DGKB: variants seen among roughly 807,000 people sequenced by gnomAD.
DGKB encodes diacylglycerol kinase beta, also known as 90 kDa diacylglycerol kinase.
DGKB carries 67 observed loss-of-function variants against 114.3 expected under a neutral mutation model. The observed-to-expected ratio is 0.59, with a 90% confidence interval of 0.48 to 0.72. The LOEUF (loss-of-function observed/expected upper bound fraction) is 0.72. DGKB is among the 30% of genes least tolerant of loss of function. The pLI is 0.00. For synonymous variants in DGKB, 398 were observed against 323.1 expected, an observed-to-expected ratio of 1.23 and a Z score of -2.49; for missense variants, 907 against 975.2, an observed-to-expected ratio of 0.93 and a Z score of 0.93.
At chr7:14,484,019 T>A (rs1487108076) in intron 20 of DGKB, among the ~76,000 whole-genome samples, 7 of 151,380 alleles carry the variant, frequency 4.6e-5, no homozygotes, top group Non-Finnish European at 5.9e-5. Context: ...TTATACTTCA[T>A]CTGTTCATGT....
chr7:14,200,157 A>G (rs1333626648), intron 23 of DGKB, among the ~76,000 whole-genome samples: 3 of 152,074 alleles, frequency 2.0e-5, no homozygotes, highest in Non-Finnish European at 4.4e-5. Flanking sequence ...TTGTTTAGTA[A>G]CAATTCTCCT....
chr7:14,629,205 G>A (rs1809212148), intron 14 of DGKB, among the ~76,000 whole-genome samples: 1 of 151,998 alleles, frequency 6.6e-6, no homozygotes, highest in South Asian at 2.1e-4. Context: ...TTTGTCACTT[G>A]AGTGTGTAAT....
At chr7:14,320,716 C>T (rs1807612753) in intron 23 of DGKB, among the ~76,000 whole-genome samples, 1 of 152,010 alleles carries the variant, frequency 6.6e-6, no homozygotes, top group Non-Finnish European at 1.5e-5. Context: ...TGGTCTGCAT[C>T]TGACACAAAG....
intron 20 of DGKB, among the ~76,000 whole-genome samples, chr7:14,544,347 G>C (rs547056383): frequency 6.6e-6 from 1 of 152,272 alleles, no homozygotes; most frequent in Non-Finnish European, 1.5e-5. Flanking sequence ...ATTCTTAGTA[G>C]AAAAGTAGTG....
intron 13 of DGKB, among the ~76,000 whole-genome samples, chr7:14,667,118 C>T (rs562537373): frequency 6.6e-6 from 1 of 152,090 alleles, no homozygotes; most frequent in East Asian, 1.9e-4. Context: ...AGATGCTTAC[C>T]TTGCTAATCT....
rs546859444 is a variant in DGKB at position 14,662,129 on chromosome 7, G to A, written c.1134+10800C>T. ...TAGATGACGAGTTAGTGGGTGCAGC[G>A]CACCAGCATGGCACATGTATACATA... On this transcript the variant is annotated intron_variant, in intron 13 of 25. Transcript: ENST00000402815. Among the ~76,000 whole-genome samples the A allele has an allele frequency of 2.9e-3, 444 of 151,812 alleles. 2 individuals are homozygous for A. The highest frequency in any genetic ancestry group is 9.5e-3 in the African/African-American group (395 of 41,412).
At chr7:14,862,300 T>C (rs114048046) in intron 1 of DGKB, among the ~76,000 whole-genome samples, 1 of 152,100 alleles carries the variant, frequency 6.6e-6, no homozygotes, top group Non-Finnish European at 1.5e-5. Context: ...TGTATGTGTA[T>C]GTACATGATA....
intron 8 of DGKB, among the ~76,000 whole-genome samples, chr7:14,696,289 C>A (rs1435905163): frequency 6.6e-6 from 1 of 151,186 alleles, no homozygotes. Context: ...GTCAGGAGAT[C>A]GAGACCATCC....
At chr7:14,838,579 C>A (rs10245728) in intron 2 of DGKB, among the ~76,000 whole-genome samples, 15,846 of 151,804 alleles carry the variant, frequency 0.1, 1,477 homozygotes, top group East Asian at 0.29. Context: ...TTATTATTTT[C>A]CAAGATATCC....
chr7:14,904,107 AT>A (rs1783518446), upstream of DGKB, among the ~76,000 whole-genome samples: 1 of 152,170 alleles, frequency 6.6e-6, no homozygotes, highest in African/African-American at 2.4e-5. Context: ...ACGTTCTCAA[AT>A]CCCCCAAAGA....
intron 5 of DGKB, among the ~76,000 whole-genome samples, chr7:14,720,367 C>A (rs1021875459): frequency 6.6e-6 from 1 of 151,776 alleles, no homozygotes; most frequent in Non-Finnish European, 1.5e-5. Context: ...TGCAATGGTG[C>A]GATCTTGGCT....
intron 23 of DGKB, among the ~76,000 whole-genome samples, chr7:14,328,748 C>T (rs1325257028): frequency 6.6e-6 from 1 of 151,850 alleles, no homozygotes; most frequent in Admixed American, 6.6e-5. Context: ...AAAAATGCTC[C>T]CCAGGGCTCT....
chr7:14,603,319 A>G (rs1803906300), intron 17 of DGKB, among the ~76,000 whole-genome samples: 1 of 152,102 alleles, frequency 6.6e-6, no homozygotes, highest in South Asian at 2.1e-4. Flanking sequence ...TTAGTAAAGA[A>G]AATTTTTTAT....
At chr7:14,196,634 T>G (rs2128282161) in intron 23 of DGKB, among the ~76,000 whole-genome samples, 1 of 152,220 alleles carries the variant, frequency 6.6e-6, no homozygotes, top group African/African-American at 2.4e-5. Context: ...AAATACAATC[T>G]CCTTTGTCAT....
At chr7:14,167,090 A>T (rs554831293) in intron 25 of DGKB, among the ~76,000 whole-genome samples, 2 of 151,500 alleles carry the variant, frequency 1.3e-5, no homozygotes, top group South Asian at 4.2e-4. Flanking sequence ...GTGTGCCTGT[A>T]GTCCCAGCTA....
chr7:14,672,151 G>C (rs567758798), intron 13 of DGKB, among the ~76,000 whole-genome samples: 1 of 151,896 alleles, frequency 6.6e-6, no homozygotes, highest in Non-Finnish European at 1.5e-5. Context: ...CTTTAGAAAA[G>C]TATTTTTCTA....
At chr7:14,814,198 G>T (rs1436821010) in intron 2 of DGKB, 1 of 152,220 alleles carries the variant, frequency 6.6e-6, no homozygotes, top group Non-Finnish European at 1.5e-5. Flanking sequence ...CCTTCAGAGA[G>T]CTTCCAGAAA....
chr7:14,455,753 T>G (rs941836927), intron 21 of DGKB, among the ~76,000 whole-genome samples: 1 of 152,010 alleles, frequency 6.6e-6, no homozygotes, highest in Non-Finnish European at 1.5e-5. Flanking sequence ...AGGAAATAGA[T>G]ATAAGAAAGT....
chr7:14,392,750 G>A (rs760891930), intron 21 of DGKB, among the ~76,000 whole-genome samples: 16 of 151,952 alleles, frequency 1.1e-4, no homozygotes, highest in South Asian at 8.3e-4. Context: ...AATCCCATTC[G>A]CAAAAAGTGG....
Sources: gnomAD v4.1 joint callset for allele counts (sites outside exome capture counted in the v4.1 genomes callset) on GRCh38, gnomAD v4.1.1 for gene constraint, MANE v1.5 for transcripts, NCBI Gene and HGNC (gene_info 2026-07-23, HGNC 2026-07-21) for gene names.